Variants in KMT2C observed in about 807,000 individuals in gnomAD.
KMT2C encodes the protein histone-lysine N-methyltransferase 2C.
Under a neutral mutation model 507.9 loss-of-function variants are expected in KMT2C, and 88 were observed. The observed-to-expected ratio is 0.17, with a 90% confidence interval of 0.15 to 0.21. The LOEUF is 0.21. Among genes scored for constraint, KMT2C ranks in the 10% least tolerant of loss-of-function variants. The probability of loss-of-function intolerance (pLI) is 1.00; values close to 1 mark genes in which losing one functional copy is unlikely to be tolerated. For missense variants in KMT2C, 4,954 were observed against 5,957.8 expected (o/e 0.83, Z 5.55); for synonymous variants, 2,049 against 2,080.8 (o/e 0.98, Z 0.42).
rs187761353 is a variant in KMT2C at position 152,176,566 on chromosome 7, G to A, written c.8887C>T (p.Arg2963Cys). ...GAATTCATGGCATTATCCAAAACAC[G>A]GCCAGGCGGTGCTATGAAAGGAGGC... ...SLPPFIAPPG[R>C]VLDNAMNSNV... The change falls in exon 38 of 59, where the codon CGT becomes TGT. Residue 2963 changes from arginine to cysteine, a missense_variant. Transcript: ENST00000262189. The A allele has an allele frequency of 7.9e-5, 128 of 1,614,128 alleles. No homozygotes were observed. The highest frequency in any genetic ancestry group is 3.3e-4 in the Admixed American group (20 of 60,002).
intron 28 of KMT2C, among the ~76,000 whole-genome samples, chr7:152,194,889 G>A (rs573647788): frequency 9.3e-5 from 14 of 150,576 alleles, no homozygotes; most frequent in Non-Finnish European, 1.5e-4. Flanking sequence ...ATGAGAAATC[G>A]ATATGCAAAT....
At chr7:152,310,475 G>T (rs1003385811) in intron 5 of KMT2C, among the ~76,000 whole-genome samples, 1 of 152,156 alleles carries the variant, frequency 6.6e-6, no homozygotes, top group Non-Finnish European at 1.5e-5. Context: ...TGAGGCATGA[G>T]AATCGCTTGA....
At chr7:152,160,155 T>C (rs2092358707) in intron 43 of KMT2C, among the ~76,000 whole-genome samples, 1 of 152,212 alleles carries the variant, frequency 6.6e-6, no homozygotes, top group Non-Finnish European at 1.5e-5. Context: ...AAAATACTAC[T>C]CTTCCTTAGA....
chr7:152,302,989 T>C (rs539186757), intron 6 of KMT2C, among the ~76,000 whole-genome samples: 2 of 152,222 alleles, frequency 1.3e-5, no homozygotes, highest in African/African-American at 4.8e-5. Context: ...ATTTGTAGCA[T>C]GTAGAATGAA....
chr7:152,351,927 A>T (rs1457455390), intron 2 of KMT2C, among the ~76,000 whole-genome samples: 1 of 152,180 alleles, frequency 6.6e-6, no homozygotes, highest in Non-Finnish European at 1.5e-5. Context: ...TTTGAACTAT[A>T]TGAAATCTGA....
intron 1 of KMT2C, among the ~76,000 whole-genome samples, chr7:152,411,267 A>G (rs1432113176): frequency 6.6e-6 from 1 of 152,168 alleles, no homozygotes; most frequent in African/African-American, 2.4e-5. Context: ...GTTGTGCCAG[A>G]TATAATACCA....
chr7:152,299,438 G>A (rs2096546795), intron 6 of KMT2C, among the ~76,000 whole-genome samples: 1 of 151,952 alleles, frequency 6.6e-6, no homozygotes, highest in South Asian at 2.1e-4. Flanking sequence ...AGACTCACTT[G>A]AGCTCAGGAG....
chr7:152,430,607 G>A (rs2097855912), intron 1 of KMT2C, among the ~76,000 whole-genome samples: 1 of 152,184 alleles, frequency 6.6e-6, no homozygotes, highest in Non-Finnish European at 1.5e-5. Context: ...TCCGTTCACT[G>A]CAGCCTCAAC....
intron 3 of KMT2C, among the ~76,000 whole-genome samples, chr7:152,326,271 T>C (rs2096827529): frequency 6.6e-6 from 1 of 152,174 alleles, no homozygotes; most frequent in South Asian, 2.1e-4. Context: ...TACACATCAA[T>C]TGGGAAAGAA....
intron 1 of KMT2C, among the ~76,000 whole-genome samples, chr7:152,380,688 T>C (rs2097366252): frequency 1.3e-5 from 2 of 152,198 alleles, no homozygotes; most frequent in Non-Finnish European, 2.9e-5. Context: ...CAGTCAACTA[T>C]GATTGTGCCA....
At chr7:152,211,359 T>G (rs182106973) in intron 23 of KMT2C, among the ~76,000 whole-genome samples, 7 of 152,280 alleles carry the variant, frequency 4.6e-5, no homozygotes, top group African/African-American at 1.7e-4. Context: ...AGCTATGGAA[T>G]ATACGTTCCA....
chr7:152,162,091 T>C (rs1436323790), intron 43 of KMT2C, 26 bp downstream of exon 43: 1 of 1,496,648 alleles, frequency 6.7e-7, no homozygotes, highest in African/African-American at 1.4e-5. Flanking sequence ...AAGAAAAAAG[T>C]TGTCGTTTTT....
chr7:152,381,533 C>G (rs1029132831), intron 1 of KMT2C, among the ~76,000 whole-genome samples: 11 of 152,146 alleles, frequency 7.2e-5, no homozygotes, highest in African/African-American at 2.7e-4. Context: ...ATTCCCTCTT[C>G]CATAGTAATT....
chr7:152,301,209 A>AG (rs1307138661), intron 6 of KMT2C, among the ~76,000 whole-genome samples: 1 of 151,778 alleles, frequency 6.6e-6, no homozygotes, highest in East Asian at 1.9e-4. Flanking sequence ...AAAAAAAAAA[A>AG]AAAAAGAAAA....
chr7:152,181,228 C>A lies in KMT2C; in HGVS notation c.6632G>T (p.Arg2211Ile). The A allele has an allele frequency of 6.2e-7, 1 of 1,614,028 alleles. No individual in the cohort carries two copies. The highest frequency in any genetic ancestry group is 8.5e-7 in the Non-Finnish European group (1 of 1,180,006). ...AGAGTAAGGGACAGAAATTCCAGGT[C>A]TTGGTGTTCCAGGAGGATGAGCATA... Reference protein sequence around the residue: ...DPYAHPPGTPRPGISVPYSQP... With the variant: ...DPYAHPPGTPIPGISVPYSQP... The change falls in exon 36 of 59, where the codon AGA (arginine) becomes ATA (isoleucine). Residue 2211 changes from arginine to isoleucine, a missense_variant. Arg to Ile is a moderately conservative substitution (Grantham distance 97). Coordinates refer to ENST00000262189, the MANE Select transcript of KMT2C (RefSeq NM_170606.3).
intron 2 of KMT2C, among the ~76,000 whole-genome samples, chr7:152,338,650 C>G (rs1254852196): frequency 6.6e-6 from 1 of 152,118 alleles, no homozygotes. Context: ...AAACTAAAAT[C>G]TGAAAGTTAA....
chr7:152,191,460 C>T (rs996214777), intron 31 of KMT2C, among the ~76,000 whole-genome samples: 1 of 152,214 alleles, frequency 6.6e-6, no homozygotes, highest in Non-Finnish European at 1.5e-5. Context: ...CATTTTCTCT[C>T]GTATCTATTC....
At chr7:152,396,291 A>C (rs762630233) in intron 1 of KMT2C, among the ~76,000 whole-genome samples, 2 of 152,224 alleles carry the variant, frequency 1.3e-5, no homozygotes, top group African/African-American at 2.4e-5. Context: ...GACAGAAAAA[A>C]ATTAATTAAA....
chr7:152,204,550 T>C (rs1009493785), intron 25 of KMT2C, among the ~76,000 whole-genome samples: 3 of 151,872 alleles, frequency 2.0e-5, no homozygotes, highest in African/African-American at 7.3e-5. Flanking sequence ...TGACCCATGA[T>C]TGTGCCACTG....
Sources: gnomAD v4.1 joint callset for allele counts (sites outside exome capture counted in the v4.1 genomes callset) on GRCh38, gnomAD v4.1.1 for gene constraint, MANE v1.5 for transcripts, NCBI Gene and HGNC (gene_info 2026-07-23, HGNC 2026-07-21) for gene names.